The following RANBP10 variants were observed in gnomAD, a reference collection of about 807,000 sequenced individuals.
The protein encoded by RANBP10 is ran-binding protein 10.
In RANBP10, 24 loss-of-function variants were observed where a neutral mutation model predicts 72.8. The observed-to-expected ratio is 0.33, with a 90% CI of 0.24 to 0.46. The LOEUF (loss-of-function observed/expected upper bound fraction) is 0.46, where lower values mean the gene tolerates loss of function less well. RANBP10 is among the 20% of genes least tolerant of loss of function. RANBP10 has a pLI of 1.00. For missense variants in RANBP10, 679 were observed against 817.5 expected (o/e 0.83, Z 2.07); for synonymous variants, 310 against 322.3 (o/e 0.96, Z 0.41).
In RANBP10 at chr16:67,730,409, C is replaced by T. The variant is rs1376969698; in HGVS notation, c.890-363G>A. On this transcript the variant is annotated intron_variant, in intron 7 of 13. Coordinates refer to ENST00000317506, the MANE Select transcript of RANBP10 (RefSeq NM_020850.3). This position sits in a 1 kb window ranked among gnomAD's most constrained non-coding sequence, Gnocchi z 4.3. ...GGGGATGGGCACCCAGGCAGCTTGG[C>T]GGCCTGAGTGGCTCCTCTTCAGACA... 3.3e-5 allele frequency among the ~76,000 whole-genome samples: 5 copies of T among 152,138 alleles called. No homozygotes were observed. The highest frequency in any genetic ancestry group is 2.4e-5 in the African/African-American group (1 of 41,446).
In RANBP10 at chr16:67,738,041, G is replaced by C; in HGVS notation, c.569-6C>G. On this transcript the variant is annotated splice_region_variant and splice_polypyrimidine_tract_variant and intron_variant, in intron 4 of 13. Transcript: ENST00000317506. ...GAGGTCTGTGAAGGCTATACCTGTGGGGGGAAAGGAACAGTCATCAGGGCC... is the reference window on the plus strand; with the variant it reads ...GAGGTCTGTGAAGGCTATACCTGTGCGGGGAAAGGAACAGTCATCAGGGCC... The C allele has an allele frequency of 2.5e-6, 4 of 1,588,366 alleles. No individual in the cohort carries two copies. Among genetic ancestry groups the C allele is most frequent in the Non-Finnish European group, 3.4e-6 (4 of 1,166,230 alleles).
chr16:67,735,440 ATCTC>A, intron 5 of RANBP10, among the ~76,000 whole-genome samples: 1 of 152,182 alleles, frequency 6.6e-6, no homozygotes, highest in Non-Finnish European at 1.5e-5. Context: ...AGGGCCAAGG[ATCTC>A]TCTGTCTCAA....
chr16:67,754,112 G>T (rs929666260), intron 3 of RANBP10, among the ~76,000 whole-genome samples: 1 of 145,910 alleles, frequency 6.9e-6, no homozygotes, highest in Non-Finnish European at 1.5e-5. Context: ...CAGCCTGGGC[G>T]ACAGAGCAAG....
chr16:67,735,101 A>G (rs1292530253), intron 5 of RANBP10, 59 bp from the exon 6 acceptor site: 14 of 1,441,828 alleles, frequency 9.7e-6, no homozygotes, highest in African/African-American at 1.4e-5. Flanking sequence ...CTAAGGCCTC[A>G]CCTCACCTCC....
At chr16:67,744,882 G>A (rs2054039955) in intron 3 of RANBP10, among the ~76,000 whole-genome samples, 1 of 152,220 alleles carries the variant, frequency 6.6e-6, no homozygotes, top group Admixed American at 6.5e-5. Context: ...GGAGTGCAAT[G>A]GTGTGATCTC....
intron 2 of RANBP10, among the ~76,000 whole-genome samples, chr16:67,794,448 C>T (rs115293731): frequency 4.0e-5 from 6 of 151,042 alleles, no homozygotes; most frequent in African/African-American, 9.7e-5. Context: ...AAATAAAAAA[C>T]GAGCCACCAC....
chr16:67,784,349 C>T (rs905141882), intron 2 of RANBP10, among the ~76,000 whole-genome samples: 2 of 152,082 alleles, frequency 1.3e-5, no homozygotes, highest in Non-Finnish European at 2.9e-5. Flanking sequence ...TGGTGAAACC[C>T]TATCTCTACT....
chr16:67,752,998 G>A (rs968803111), intron 3 of RANBP10, among the ~76,000 whole-genome samples: 8 of 152,252 alleles, frequency 5.3e-5, no homozygotes, highest in Admixed American at 5.2e-4. Context: ...CCAGCATTTT[G>A]AGAGGCCAAG....
chr16:67,763,019 C>T (rs2054428168), intron 3 of RANBP10, among the ~76,000 whole-genome samples: 1 of 152,240 alleles, frequency 6.6e-6, no homozygotes, highest in Admixed American at 6.5e-5. Context: ...AGAAGGACAT[C>T]TGCCAAGGGG....
chr16:67,804,241 A>G (rs924828591), intron 2 of RANBP10, among the ~76,000 whole-genome samples: 1 of 152,166 alleles, frequency 6.6e-6, no homozygotes, highest in Non-Finnish European at 1.5e-5. Context: ...TTTCCAAGGT[A>G]GCTGCAGTCA....
chr16:67,729,346 G>A lies in RANBP10; in HGVS notation c.1286C>T (p.Ser429Phe). 1 of 1,612,446 alleles carries A rather than the reference G, an allele frequency of 6.2e-7. No individual in the cohort carries two copies. The highest frequency in any genetic ancestry group is 8.5e-7 in the Non-Finnish European group (1 of 1,179,042). ...GGTGGAGTCTGTTGAGTTGGACTCGGAGTAATTGACGGAGGATGGGGAAGA... is the reference window on the plus strand; with the variant it reads ...GGTGGAGTCTGTTGAGTTGGACTCGAAGTAATTGACGGAGGATGGGGAAGA... ...SSSSPSSVNYSESNSTDSTKS... is the reference protein window; with the variant it reads ...SSSSPSSVNYFESNSTDSTKS... The change falls in exon 10 of 14, where the codon TCC (serine) becomes TTC (phenylalanine). Residue 429 changes from serine to phenylalanine, a missense_variant. Physicochemically the swap from Ser to Phe is radical, Grantham distance 155 (BLOSUM62 -2). Coordinates refer to ENST00000317506, the MANE Select transcript of RANBP10 (RefSeq NM_020850.3). The surrounding 1 kb of genome is among the most constrained non-coding windows in gnomAD (Gnocchi z 7.1).
chr16:67,735,121 G>T, intron 5 of RANBP10, 79 bp from the exon 6 acceptor site: 1 of 1,343,966 alleles, frequency 7.4e-7, no homozygotes, highest in Non-Finnish European at 1.0e-6. Context: ...CATGGCTGCT[G>T]CTGGCCCATG....
intron 2 of RANBP10, among the ~76,000 whole-genome samples, chr16:67,795,569 T>A (rs1045817150): frequency 1.3e-5 from 2 of 150,608 alleles, no homozygotes; most frequent in African/African-American, 4.9e-5. Flanking sequence ...AATAATTTTT[T>A]AAAAATAAAG....
At chr16:67,774,396 T>C (rs977898070) in intron 2 of RANBP10, among the ~76,000 whole-genome samples, 2 of 152,222 alleles carry the variant, frequency 1.3e-5, no homozygotes, top group Admixed American at 6.6e-5. Context: ...GAATGGGGAA[T>C]CACTAAAGCA....
At chr16:67,744,165 G>A (rs1333717549) in intron 4 of RANBP10, 123 bp downstream of exon 4, 6 of 1,492,074 alleles carry the variant, frequency 4.0e-6, no homozygotes, top group Admixed American at 4.6e-5. Flanking sequence ...TCCAATGCCT[G>A]GAAATGGTGC....
At position 67,724,055 on chromosome 16, in the gene RANBP10, C is replaced by G. The variant is rs2053564910; in HGVS notation, c.*2373G>C. The G allele has an allele frequency of 6.5e-6, 1 of 152,784 alleles. No homozygotes were observed. The highest frequency in any genetic ancestry group is 1.9e-4 in the East Asian group (1 of 5,200). 9.5% of individuals were successfully genotyped at this position (152,784 alleles called of 1,614,324 possible). A position where few individuals can be genotyped will look rare whatever the true frequency, so the allele number is the denominator to read the frequency against. On this transcript the variant is annotated 3_prime_UTR_variant, in exon 14 of 14. Coordinates refer to ENST00000317506, the MANE Select transcript of RANBP10 (RefSeq NM_020850.3). ...GAAAATGGGGAGGTGGCCATGGGTA[C>G]CAAGTGCGAGCCAGGCAGACACCCA...
intron 2 of RANBP10, among the ~76,000 whole-genome samples, chr16:67,795,442 G>A (rs1339623131): frequency 6.6e-6 from 1 of 152,078 alleles, no homozygotes; most frequent in Non-Finnish European, 1.5e-5. Context: ...AGGAGGCTGA[G>A]GCAGGAGAAT....
At chr16:67,798,199 T>G (rs143025384) in intron 2 of RANBP10, among the ~76,000 whole-genome samples, 49 of 151,968 alleles carry the variant, frequency 3.2e-4, no homozygotes, top group African/African-American at 1.1e-3. Context: ...CGGGGGGCAG[T>G]AAGGGAAAAT....
At chr16:67,774,730 C>T (rs1031726431) in intron 2 of RANBP10, among the ~76,000 whole-genome samples, 4 of 152,098 alleles carry the variant, frequency 2.6e-5, no homozygotes, top group South Asian at 2.1e-4. Context: ...GGGTTCAAGG[C>T]GAATAAGCCC....
Sources: gnomAD v4.1 joint callset for allele counts (sites outside exome capture counted in the v4.1 genomes callset) on GRCh38, gnomAD v4.1.1 for gene constraint, Gnocchi (gnomAD v3.1) non-coding constraint, MANE v1.5 for transcripts, NCBI Gene and HGNC (gene_info 2026-07-23, HGNC 2026-07-21) for gene names.